Variants in KIFC1 observed in about 807,000 individuals in gnomAD.
KIFC1 encodes the protein kinesin family member C1.
In KIFC1, 37 loss-of-function variants were observed where a neutral mutation model predicts 66.6. The ratio of observed to expected loss-of-function variants is 0.56; its 90% confidence interval spans 0.43 to 0.73. The LOEUF is 0.73. Among genes scored for constraint, KIFC1 ranks in the 30% least tolerant of loss-of-function variants. The probability of loss-of-function intolerance (pLI) is 0.00; values close to 1 mark genes in which losing one functional copy is unlikely to be tolerated. For missense variants in KIFC1, 721 were observed against 859.8 expected (o/e 0.84, Z 2.02); for synonymous variants, 325 against 343.5 (o/e 0.95, Z 0.60).
rs762957268 is a variant in KIFC1 at position 33,406,506 on chromosome 6, G to T, written c.1827+20G>T. The T allele has an allele frequency of 6.2e-6, 10 of 1,605,532 alleles. No individual in the cohort carries two copies. In the Admixed American group the frequency reaches 1.2e-4, roughly 19 times the overall value. Reference sequence around the variant, plus strand: ...AACAAGGTGGGAATGGGAGTGGGGTGAGATACGGGACCTGGGGGACAGTTG... The same window carrying T: ...AACAAGGTGGGAATGGGAGTGGGGTTAGATACGGGACCTGGGGGACAGTTG... On this transcript the variant is annotated intron_variant, in intron 8 of 10. Coordinates refer to ENST00000428849, the MANE Select transcript of KIFC1 (RefSeq NM_002263.4). The surrounding 1 kb of genome is among the most constrained non-coding windows in gnomAD (Gnocchi z 4.5).
Position 33,405,262 on chromosome 6 carries a change from A to C in KIFC1, c.1167A>C (p.Glu389Asp). Residue 389 changes from glutamate (E) to aspartate (D), a missense_variant, in exon 7 of 11, where the codon GAA (glutamate) becomes GAC (aspartate). By Grantham distance (45) the Glu-to-Asp change is conservative. Coordinates refer to ENST00000428849, the MANE Select transcript of KIFC1 (RefSeq NM_002263.4). The surrounding 1 kb of genome is among the most constrained non-coding windows in gnomAD (Gnocchi z 5.4). ...GAAGTGGACAGGATGAAGTGTTTGA[A>C]GAGATTGCCATGCTTGTCCAGTCAG... The part of the protein sequence containing the change: ...PPGSGQDEVF[E>D]EIAMLVQSAL... The C allele has an allele frequency of 6.2e-7, 1 of 1,614,208 alleles. No homozygotes were observed. The highest frequency in any genetic ancestry group is 8.5e-7 in the Non-Finnish European group (1 of 1,180,028).
At chr6:33,408,688 T>TTTGGTTATTTTTGGGGTTTTGG (rs1775761709) in intron 10 of KIFC1, among the ~76,000 whole-genome samples, 1 of 152,218 alleles carries the variant, frequency 6.6e-6, no homozygotes, top group Non-Finnish European at 1.5e-5. Flanking sequence ...CCAATGAATG[T>TTTGGTTATTTTTGGGGTTTTGG]TTATCTGAGG....
Position 33,406,107 on chromosome 6 carries a change from G to A in KIFC1, c.1537-89G>A. 1 of 1,232,856 alleles carries A rather than the reference G, an allele frequency of 8.1e-7. No homozygotes were observed. Among genetic ancestry groups the A allele is most frequent in the Non-Finnish European group, 1.1e-6 (1 of 879,268 alleles). 76.4% of individuals were successfully genotyped at this position (1,232,856 alleles called of 1,614,324 possible). On this transcript the variant is annotated intron_variant, in intron 7 of 10. Coordinates refer to ENST00000428849, the MANE Select transcript of KIFC1 (RefSeq NM_002263.4). The surrounding 1 kb of genome is among the most constrained non-coding windows in gnomAD (Gnocchi z 4.5). Reference sequence around the variant, plus strand: ...CTTGACAGGCTAGAAAGCTTCAAGAGGGTGGGGGTGGGCTCTTATTCATTT... The same window carrying A: ...CTTGACAGGCTAGAAAGCTTCAAGAAGGTGGGGGTGGGCTCTTATTCATTT...
intron 1 of KIFC1, among the ~76,000 whole-genome samples, chr6:33,396,436 CTTTTTTTT>C (rs199749552): frequency 3.4e-5 from 4 of 116,274 alleles, no homozygotes; most frequent in Admixed American, 9.3e-5. Context: ...CTTTTCTTTT[CTTTTTTTT>C]TTTTTTTTTT....
At chr6:33,396,684 CTTT>C (rs762241830) in intron 1 of KIFC1, among the ~76,000 whole-genome samples, 6 of 133,640 alleles carry the variant, frequency 4.5e-5, no homozygotes, top group Admixed American at 7.5e-5. Flanking sequence ...GAATTAATTT[CTTT>C]TTTTTTTTTT....
chr6:33,409,705 CTGTGTGTG>C lies in KIFC1; in HGVS notation c.*57_*64del, dbSNP rs3066474. On this transcript the variant is annotated 3_prime_UTR_variant, in exon 11 of 11. Transcript: ENST00000428849. ...ACAGGAAGTGAAGACGGATCCAGATCTGTGTGTGTGTGTGTGTGTGTGTGTGTGTGTGT... is the reference window on the plus strand; with the variant it reads ...ACAGGAAGTGAAGACGGATCCAGATCTGTGTGTGTGTGTGTGTGTGTGTGT... 66,388 of 1,253,670 alleles carry C rather than the reference CTGTGTGTG, an allele frequency of 0.053. 2,553 individuals carry two copies. The highest frequency in any genetic ancestry group is 0.058 in the Non-Finnish European group (52,389 of 904,418). 77.7% of individuals were successfully genotyped at this position (1,253,670 alleles called of 1,614,324 possible).
intron 10 of KIFC1, among the ~76,000 whole-genome samples, chr6:33,407,562 T>A (rs1282662718): frequency 1.3e-5 from 2 of 152,240 alleles, no homozygotes; most frequent in Non-Finnish European, 2.9e-5. Flanking sequence ...CACACTTTTT[T>A]AGTCACAAAC....
intron 10 of KIFC1, among the ~76,000 whole-genome samples, chr6:33,408,459 C>A (rs1775753965): frequency 6.6e-6 from 1 of 152,174 alleles, no homozygotes; most frequent in Non-Finnish European, 1.5e-5. Context: ...CAGCAGTGAC[C>A]ATACCTGGAT....
At position 33,405,224 on chromosome 6, in the gene KIFC1, G is replaced by A. The variant is rs1244447614; in HGVS notation, c.1129G>A (p.Val377Ile). The A allele has an allele frequency of 6.2e-7, 1 of 1,614,166 alleles. No homozygotes were observed. Among genetic ancestry groups the A allele is most frequent in the Admixed American group, 1.7e-5 (1 of 60,024 alleles). The change falls in exon 7 of 11, where the codon GTA becomes ATA. Residue 377 changes from valine (V) to isoleucine (I), a missense_variant. Physicochemically the swap from Val to Ile is conservative, Grantham distance 29. Transcript: ENST00000428849. The surrounding 1 kb of genome is among the most constrained non-coding windows in gnomAD (Gnocchi z 5.4). ...TCGCCATGATTTTTCCTTTGACCGG[G>A]TATTCCCACCAGGAAGTGGACAGGA... is the stretch of plus-strand genomic sequence containing the variant. ...PTRHDFSFDR[V>I]FPPGSGQDEV... is the part of the protein sequence containing the mutation.
At chr6:33,409,177 C>A (rs568194621) in intron 10 of KIFC1, among the ~76,000 whole-genome samples, 43 of 151,726 alleles carry the variant, frequency 2.8e-4, no homozygotes, top group African/African-American at 7.0e-4. Flanking sequence ...ACAACAACAA[C>A]AAAAAAAAGA....
chr6:33,405,007 G>A lies in KIFC1; in HGVS notation c.912G>A (p.Leu304=), dbSNP rs1463702186. The A allele has an allele frequency of 6.2e-7, 1 of 1,614,124 alleles. No individual in the cohort carries two copies. Among genetic ancestry groups the A allele is most frequent in the South Asian group, 1.1e-5 (1 of 91,086 alleles). The change falls in exon 7 of 11, where the codon CTG becomes CTA. Residue 304 remains leucine, a synonymous_variant. Coordinates refer to ENST00000428849, the MANE Select transcript of KIFC1 (RefSeq NM_002263.4). This position sits in a 1 kb window ranked among gnomAD's most constrained non-coding sequence, Gnocchi z 5.4. The stretch of plus-strand genomic sequence containing the variant: ...AGCGCCGGCGACTGCACAACCAGCT[G>A]CAGGAACTCAAGGGCAACATCCGTG... ...EMERRRLHNQ[L]QELKGNIRVF... is the part of the protein sequence containing the mutation.
rs745598592 is a variant in KIFC1 at position 33,403,536 on chromosome 6, G to T, written c.355+1G>T. The T allele has an allele frequency of 6.2e-7, 1 of 1,614,072 alleles. No homozygotes were observed. The highest frequency in any genetic ancestry group is 8.5e-7 in the Non-Finnish European group (1 of 1,179,888). ...GCTGTTCCTGTCCAGAAGTCTGGCA[G>T]TAAGTGACAAACATAACCACTGGGT... On this transcript the variant is annotated splice_donor_variant, in intron 5 of 10. Coordinates refer to ENST00000428849, the MANE Select transcript of KIFC1 (RefSeq NM_002263.4). LOFTEE classifies it high-confidence loss of function. The surrounding 1 kb of genome is among the most constrained non-coding windows in gnomAD (Gnocchi z 4.6).
At position 33,400,242 on chromosome 6, in the gene KIFC1, A is replaced by C; in HGVS notation, c.250+1855A>C. On this transcript the variant is annotated intron_variant, in intron 3 of 10. Transcript: ENST00000428849. This position sits in a 1 kb window ranked among gnomAD's most constrained non-coding sequence, Gnocchi z 4.3. The stretch of plus-strand genomic sequence containing the variant: ...GAGCAATGTTGACGATCTCATCAAA[A>C]GTGATATTCCCATTGTGTTTAATGT... 6.4e-7 allele frequency: 1 copy of C among 1,566,466 alleles called. No individual in the cohort carries two copies. Among genetic ancestry groups the C allele is most frequent in the Non-Finnish European group, 8.7e-7 (1 of 1,152,266 alleles).
intron 10 of KIFC1, chr6:33,407,098 AAAG>A (rs1775703968): frequency 7.1e-7 from 1 of 1,399,532 alleles, no homozygotes; most frequent in African/African-American, 1.4e-5. Flanking sequence ...ATTAAAAAAA[AAAG>A]AAAAGGTGAC....
chr6:33,406,967 C>G lies in KIFC1; in HGVS notation c.1977+92C>G. 6.4e-7 allele frequency: 1 copy of G among 1,559,504 alleles called. No homozygotes were observed. The highest frequency in any genetic ancestry group is 8.7e-7 in the Non-Finnish European group (1 of 1,150,786). On this transcript the variant is annotated intron_variant, in intron 10 of 10. Coordinates refer to ENST00000428849, the MANE Select transcript of KIFC1 (RefSeq NM_002263.4). The surrounding 1 kb of genome is among the most constrained non-coding windows in gnomAD (Gnocchi z 4.5). ...CTTTTGTCTTCTAGGGCAGGGAGCA[C>G]ATTTGTGCAGAAAGGTTTTGCAGGT...
chr6:33,405,132 C>T lies in KIFC1; in HGVS notation c.1037C>T (p.Thr346Ile), dbSNP rs548622183. The stretch of plus-strand genomic sequence containing the variant: ...CCTGGTGGGCCCTCTGATCCTCCAA[C>T]CCGCCTTAGCCTCTCCCGGTCTGAC... ...SGPGGPSDPPTRLSLSRSDER... is the reference protein window; with the variant it reads ...SGPGGPSDPPIRLSLSRSDER... The change falls in exon 7 of 11, where the codon ACC becomes ATC. Residue 346 changes from threonine to isoleucine, a missense_variant. Thr to Ile is a moderately conservative substitution (Grantham distance 89). Coordinates refer to ENST00000428849, the MANE Select transcript of KIFC1 (RefSeq NM_002263.4). This position sits in a 1 kb window ranked among gnomAD's most constrained non-coding sequence, Gnocchi z 5.4. 6.2e-7 allele frequency: 1 copy of T among 1,614,168 alleles called. No individual in the cohort carries two copies. The highest frequency in any genetic ancestry group is 1.3e-5 in the African/African-American group (1 of 75,058).
Position 33,391,901 on chromosome 6 carries a change from G to C in KIFC1, c.-85G>C, listed in dbSNP as rs547910392. 1 of 1,538,028 alleles carries C rather than the reference G, an allele frequency of 6.5e-7. No homozygotes were observed. The highest frequency in any genetic ancestry group is 9.0e-7 in the Non-Finnish European group (1 of 1,113,376). On this transcript the variant is annotated 5_prime_UTR_variant, in exon 1 of 11. Transcript: ENST00000428849. ...GAGTTCTCTACCCTGCTTCGCGAGC[G>C]GGCGAGAGAACGCGAGTCCCAGGAT...
At position 33,406,980 on chromosome 6, in the gene KIFC1, A is replaced by G. The variant is rs1428659323; in HGVS notation, c.1977+105A>G. 3 of 1,518,110 alleles carry G rather than the reference A, an allele frequency of 2.0e-6. No individual in the cohort carries two copies. The highest frequency in any genetic ancestry group is 2.7e-6 in the Non-Finnish European group (3 of 1,130,650). The allele number at this position is 1,518,110 out of a possible 1,614,324, so 94.0% of individuals were successfully genotyped here. On this transcript the variant is annotated intron_variant, in intron 10 of 10. Transcript: ENST00000428849. This position sits in a 1 kb window ranked among gnomAD's most constrained non-coding sequence, Gnocchi z 4.5. ...GGGCAGGGAGCACATTTGTGCAGAA[A>G]GGTTTTGCAGGTATCTGAGGCACTG...
At chr6:33,409,412 C>G (rs1775806585) in intron 10 of KIFC1, among the ~76,000 whole-genome samples, 2 of 152,150 alleles carry the variant, frequency 1.3e-5, no homozygotes, top group Admixed American at 1.3e-4. Flanking sequence ...CCTCCTTTCT[C>G]TGCTCCTGTA....
Sources: gnomAD v4.1 joint callset for allele counts (sites outside exome capture counted in the v4.1 genomes callset) on GRCh38, gnomAD v4.1.1 for gene constraint, Gnocchi (gnomAD v3.1) non-coding constraint, MANE v1.5 for transcripts, NCBI Gene and HGNC (gene_info 2026-07-23, HGNC 2026-07-21) for gene names.